The following CAMK2D variants were observed in gnomAD, a reference collection of about 807,000 sequenced individuals.
CAMK2D encodes calcium/calmodulin dependent protein kinase II delta, also known as calcium/calmodulin-dependent protein kinase type II subunit delta.
Under a neutral mutation model 84.0 loss-of-function variants are expected in CAMK2D, and 37 were observed. That is an observed-to-expected ratio of 0.44 (90% CI 0.34 to 0.58). The LOEUF is 0.58. CAMK2D is among the 20% of genes least tolerant of loss of function. CAMK2D has a pLI of 0.02. For missense variants in CAMK2D, 448 were observed against 652.5 expected (o/e 0.69, Z 3.41); for synonymous variants, 202 against 212.5 (o/e 0.95, Z 0.43).
At chr4:113,665,890 C>A (rs371598899) in intron 2 of CAMK2D, among the ~76,000 whole-genome samples, 1 of 152,082 alleles carries the variant, frequency 6.6e-6, no homozygotes. Context: ...ATGAAGTCAG[C>A]GGGGGAATAA....
intron 9 of CAMK2D, 96 bp downstream of exon 9, chr4:113,517,467 A>T (rs76230923): frequency 0.012 from 6,743 of 559,172 alleles, 49 homozygotes; most frequent in Non-Finnish European, 0.017. Flanking sequence ...AAAGTGGTAA[A>T]AATTATGGTT....
intron 4 of CAMK2D, among the ~76,000 whole-genome samples, chr4:113,605,725 C>T (rs1025544008): frequency 6.6e-6 from 1 of 152,166 alleles, no homozygotes; most frequent in East Asian, 1.9e-4. Context: ...GTTCCAATAA[C>T]CTCACCTAGC....
chr4:113,651,329 A>G (rs1267604491), intron 3 of CAMK2D, among the ~76,000 whole-genome samples: 1 of 152,196 alleles, frequency 6.6e-6, no homozygotes, highest in African/African-American at 2.4e-5. Context: ...AAATTCAGAG[A>G]GCAAACACTT....
intron 16 of CAMK2D, among the ~76,000 whole-genome samples, chr4:113,489,317 G>T (rs1291740605): frequency 1.6e-5 from 2 of 128,120 alleles, no homozygotes; most frequent in Non-Finnish European, 3.1e-5. Flanking sequence ...AGTCCCCAGA[G>T]TGTGATAGTC....
chr4:113,604,052 T>A (rs1252363984), intron 4 of CAMK2D, among the ~76,000 whole-genome samples: 1 of 152,020 alleles, frequency 6.6e-6, no homozygotes, highest in Non-Finnish European at 1.5e-5. Flanking sequence ...AATGCACCTA[T>A]AAAAATAGAA....
At chr4:113,600,533 A>G (rs932412294) in intron 4 of CAMK2D, among the ~76,000 whole-genome samples, 1 of 152,214 alleles carries the variant, frequency 6.6e-6, no homozygotes, top group African/African-American at 2.4e-5. Context: ...ATAGTCCACA[A>G]TATTTTATCT....
At chr4:113,626,737 G>A (rs534982172) in intron 3 of CAMK2D, among the ~76,000 whole-genome samples, 2 of 152,220 alleles carry the variant, frequency 1.3e-5, no homozygotes, top group African/African-American at 4.8e-5. Context: ...TCAGTTAGAT[G>A]GGACTCAGCT....
In CAMK2D at chr4:113,681,672, C is replaced by T. The variant is rs564950797; in HGVS notation, c.161-19900G>A. Among the ~76,000 whole-genome samples the T allele has an allele frequency of 7.3e-4, 111 of 152,170 alleles. 1 individual carries two copies. In the South Asian group the frequency reaches 0.023, roughly 31 times the overall value. On this transcript the variant is annotated intron_variant, in intron 2 of 20. Coordinates refer to ENST00000511664, the MANE Select transcript of CAMK2D (RefSeq NM_001321571.2). ...ATTATTTTGAGTAACAAAATCTCAC[C>T]TCAAATTTTATGCTGAGTTAATTCC...
chr4:113,522,029 G>C (rs904050341), intron 8 of CAMK2D, among the ~76,000 whole-genome samples: 29 of 151,376 alleles, frequency 1.9e-4, no homozygotes, highest in African/African-American at 7.0e-4. Flanking sequence ...GTGCTTGGGA[G>C]ATGCTAGAGA....
At chr4:113,514,004 A>C in intron 10 of CAMK2D, 91 bp from the exon 11 acceptor site, 1 of 609,772 alleles carries the variant, frequency 1.6e-6, no homozygotes, top group Non-Finnish European at 2.9e-6. Flanking sequence ...ATATTTATTA[A>C]TGGTGCTGCA....
intron 8 of CAMK2D, among the ~76,000 whole-genome samples, chr4:113,524,420 T>C (rs1462270114): frequency 6.6e-6 from 1 of 152,216 alleles, no homozygotes; most frequent in Non-Finnish European, 1.5e-5. Flanking sequence ...CTTATTTTGC[T>C]TAGCATAATG....
intron 7 of CAMK2D, among the ~76,000 whole-genome samples, chr4:113,535,878 A>AGTT (rs958778916): frequency 6.6e-6 from 1 of 152,188 alleles, no homozygotes; most frequent in Non-Finnish European, 1.5e-5. Flanking sequence ...AATGGTAAAT[A>AGTT]GTTATAGATA....
chr4:113,508,241 T>A, intron 13 of CAMK2D: 1 of 1,550,414 alleles, frequency 6.4e-7, no homozygotes, highest in Non-Finnish European at 8.7e-7. Context: ...CTCACCATCA[T>A]CTGAACACTC....
At chr4:113,605,579 G>A (rs907094155) in intron 4 of CAMK2D, among the ~76,000 whole-genome samples, 7 of 152,132 alleles carry the variant, frequency 4.6e-5, no homozygotes. Flanking sequence ...ACATATCTCA[G>A]TTTACAATAC....
intron 4 of CAMK2D, among the ~76,000 whole-genome samples, chr4:113,596,890 G>T (rs1343796132): frequency 6.6e-6 from 1 of 151,080 alleles, no homozygotes; most frequent in African/African-American, 2.4e-5. Context: ...CATGATCTCA[G>T]CTCACTGCAA....
chr4:113,721,018 TA>T (rs980829345), intron 2 of CAMK2D, among the ~76,000 whole-genome samples: 1 of 152,044 alleles, frequency 6.6e-6, no homozygotes, highest in African/African-American at 2.4e-5. Flanking sequence ...GAAATACACA[TA>T]AAAAACTTCA....
At chr4:113,744,266 G>T (rs771452086) in intron 2 of CAMK2D, among the ~76,000 whole-genome samples, 4 of 152,158 alleles carry the variant, frequency 2.6e-5, no homozygotes, top group Admixed American at 2.6e-4. Context: ...CAATGTGCTA[G>T]GTTCTGAGCA....
chr4:113,658,823 C>T (rs2099214405), intron 3 of CAMK2D, among the ~76,000 whole-genome samples: 1 of 152,158 alleles, frequency 6.6e-6, no homozygotes, highest in Non-Finnish European at 1.5e-5. Context: ...CTCGAAATCT[C>T]TCTTGTGGTT....
At chr4:113,732,881 A>G (rs1046636621) in intron 2 of CAMK2D, among the ~76,000 whole-genome samples, 1 of 152,194 alleles carries the variant, frequency 6.6e-6, no homozygotes, top group Admixed American at 6.5e-5. Flanking sequence ...ATATAGATAT[A>G]TTAGTGCTTC....
Sources: gnomAD v4.1 joint callset for allele counts (sites outside exome capture counted in the v4.1 genomes callset) on GRCh38, gnomAD v4.1.1 for gene constraint, MANE v1.5 for transcripts, NCBI Gene and HGNC (gene_info 2026-07-23, HGNC 2026-07-21) for gene names.